The following COL27A1 variants were observed in gnomAD, a reference collection of about 807,000 sequenced individuals.
COL27A1 encodes the protein collagen alpha-1(XXVII) chain.
A neutral mutation model predicts 251.3 loss-of-function variants in COL27A1; 106 were observed. That is an observed-to-expected ratio of 0.42 (90% confidence interval 0.36 to 0.50). The LOEUF (loss-of-function observed/expected upper bound fraction) is 0.50. Ranked by LOEUF, COL27A1 falls within the 20% of genes least tolerant of loss-of-function variation. The probability of loss-of-function intolerance (pLI) is 0.00; values close to 1 mark genes in which losing one functional copy is unlikely to be tolerated. For synonymous variants in COL27A1, 1,000 were observed against 986.3 expected (o/e 1.01, Z -0.26); for missense variants, 2,325 against 2,522.8 (o/e 0.92, Z 1.68).
At chr9:114,218,866 C>T (rs558795609) in intron 12 of COL27A1, among the ~76,000 whole-genome samples, 1 of 152,004 alleles carries the variant, frequency 6.6e-6, no homozygotes, top group African/African-American at 2.4e-5. Flanking sequence ...TATTAGAAAC[C>T]GAAAACAGGA....
intron 5 of COL27A1, among the ~76,000 whole-genome samples, chr9:114,194,030 C>T (rs2567708): frequency 0.7 from 106,007 of 152,028 alleles, 38,108 homozygotes; most frequent in Non-Finnish European, 0.77. Flanking sequence ...ACAGCCTGGT[C>T]GCAGGACAGT....
chr9:114,300,237 G>A, intron 50 of COL27A1, 114 bp downstream of exon 50: 1 of 1,119,076 alleles, frequency 8.9e-7, no homozygotes, highest in Non-Finnish European at 1.3e-6. Context: ...CTGGAAAACA[G>A]CCAGAATCAG....
chr9:114,304,922 C>T (rs924357475), intron 57 of COL27A1, among the ~76,000 whole-genome samples: 5 of 152,184 alleles, frequency 3.3e-5, no homozygotes, highest in South Asian at 2.1e-4. Flanking sequence ...GAGCTTTCTC[C>T]GGAGGCCTCT....
rs757744516 is a variant in COL27A1 at position 114,169,177 on chromosome 9, C to G, written c.1622C>G (p.Ala541Gly). 1.2e-6 allele frequency: 2 copies of G among 1,614,106 alleles called. No individual in the cohort carries two copies. The highest frequency in any genetic ancestry group is 2.2e-5 in the South Asian group (2 of 91,074). ...TGSKKPIGSE[A>G]SKKAGPKSSP... is the part of the protein sequence containing the mutation. ...AGCAAGAAGCCCATTGGATCGGAAG[C>G]CTCAAAGAAAGCCGGACCCAAGAGC... The change falls in exon 3 of 61, where the codon GCC becomes GGC. Residue 541 changes from alanine to glycine, a missense_variant. By Grantham distance (60) the Ala-to-Gly change is moderately conservative (BLOSUM62 0). Coordinates refer to ENST00000356083, the MANE Select transcript of COL27A1 (RefSeq NM_032888.4).
At chr9:114,293,903 C>A (rs1828084423) in intron 49 of COL27A1, among the ~76,000 whole-genome samples, 1 of 151,992 alleles carries the variant, frequency 6.6e-6, no homozygotes, top group African/African-American at 2.4e-5. Context: ...AAACTCTGGG[C>A]CCAGATGGCT....
intron 3 of COL27A1, among the ~76,000 whole-genome samples, chr9:114,173,112 G>A (rs1158650355): frequency 6.6e-6 from 1 of 151,912 alleles, no homozygotes. Flanking sequence ...GCCCCAGGAG[G>A]GGGGAACATG....
chr9:114,243,697 T>C (rs1260305458), intron 23 of COL27A1, 137 bp downstream of exon 23: 2 of 658,474 alleles, frequency 3.0e-6, no homozygotes, highest in Non-Finnish European at 5.3e-6. Context: ...AACAAAGTAT[T>C]GGTAAGGGAG....
In COL27A1 at chr9:114,239,381, G is replaced by A. The variant is rs151051211; in HGVS notation, c.2728-839G>A. Among the ~76,000 whole-genome samples, 37 of 152,276 alleles carry A rather than the reference G, an allele frequency of 2.4e-4. No individual in the cohort carries two copies. In the East Asian group the frequency reaches 6.9e-3, roughly 29 times the overall value. On this transcript the variant is annotated intron_variant, in intron 19 of 60. Coordinates refer to ENST00000356083, the MANE Select transcript of COL27A1 (RefSeq NM_032888.4). Reference sequence around the variant, plus strand: ...CTTTGCTGGTTCCATTTAAACTTAAGACTAGCCCTGTAAGGGAGGTGTTAC... The same window carrying A: ...CTTTGCTGGTTCCATTTAAACTTAAAACTAGCCCTGTAAGGGAGGTGTTAC...
At position 114,182,386 on chromosome 9, in the gene COL27A1, AG is replaced by A. The variant is rs199874518; in HGVS notation, c.1963-635del. Among the ~76,000 whole-genome samples, 3 of 151,440 alleles carry A rather than the reference AG, an allele frequency of 2.0e-5. No individual in the cohort carries two copies. The East Asian group carries it at 5.9e-4, about 30-fold the overall frequency. ...GCAAGACCCTGCCTCTAAAAAAAAA[AG>A]TCCACTTGAGACTGGAGGAGCCCTA... On this transcript the variant is annotated intron_variant, in intron 4 of 60. Coordinates refer to ENST00000356083, the MANE Select transcript of COL27A1 (RefSeq NM_032888.4).
chr9:114,166,368 A>AATCCATCCATCCGTCC (rs1554786335), intron 2 of COL27A1, among the ~76,000 whole-genome samples: 1,344 of 37,128 alleles, frequency 0.036, 37 homozygotes, highest in African/African-American at 0.068. Flanking sequence ...TCCATCCATC[A>AATCCATCCATCCGTCC]ATCCATCCAT....
In COL27A1 at chr9:114,312,182, G is replaced by C. The variant is rs2306957; in HGVS notation, c.*1487G>C. 3.9e-5 allele frequency: 6 copies of C among 152,182 alleles called. No homozygotes were observed. Among genetic ancestry groups the C allele is most frequent in the Admixed American group, 3.9e-4 (6 of 15,274 alleles). The allele number at this position is 152,182 out of a possible 1,614,324, so 9.4% of individuals were successfully genotyped here. On this transcript the variant is annotated 3_prime_UTR_variant, in exon 61 of 61. Coordinates refer to ENST00000356083, the MANE Select transcript of COL27A1 (RefSeq NM_032888.4). ...TCTATTTGTGTATTTCTCTCCTAAA[G>C]TTGTGTCTCTTTGGGAATTGGATTT... is the stretch of plus-strand genomic sequence containing the variant.
Position 114,221,262 on chromosome 9 carries a change from G to A in COL27A1, c.2422-961G>A, listed in dbSNP as rs111512767. On this transcript the variant is annotated intron_variant, in intron 13 of 60. Transcript: ENST00000356083. ...ATTGGGATGAGGAGATAGGTGGGGA[G>A]ACATTGCAGGTGGAGGAAGGGGCAC... 9.9e-3 allele frequency among the ~76,000 whole-genome samples: 1,503 copies of A among 152,258 alleles called. 24 individuals are homozygous for A. The highest frequency in any genetic ancestry group is 0.035 in the African/African-American group (1,447 of 41,546).
intron 1 of COL27A1, among the ~76,000 whole-genome samples, chr9:114,161,708 G>A (rs1042744426): frequency 6.6e-6 from 1 of 152,194 alleles, no homozygotes; most frequent in Non-Finnish European, 1.5e-5. Flanking sequence ...GCCACGTGCC[G>A]GCCTCCCCTC....
In COL27A1 at chr9:114,267,568, A is replaced by T; in HGVS notation, c.3501+11A>T. ...GAAGCCGGGATGAAGGTGAGGTGGG[A>T]TGAAAGAAGAGAAAAATGACTTGTT... On this transcript the variant is annotated intron_variant, in intron 34 of 60. Transcript: ENST00000356083. 1 of 1,595,094 alleles carries T rather than the reference A, an allele frequency of 6.3e-7. No homozygotes were observed. Among genetic ancestry groups the T allele is most frequent in the Non-Finnish European group, 8.5e-7 (1 of 1,172,372 alleles).
At chr9:114,268,550 C>A (rs1250601474) in intron 34 of COL27A1, among the ~76,000 whole-genome samples, 2 of 152,192 alleles carry the variant, frequency 1.3e-5, no homozygotes, top group Admixed American at 1.3e-4. Context: ...ATTGCCATTG[C>A]TGCATCCAAG....
intron 3 of COL27A1, among the ~76,000 whole-genome samples, chr9:114,176,308 G>A (rs925470951): frequency 5.3e-5 from 8 of 152,218 alleles, no homozygotes; most frequent in African/African-American, 1.9e-4. Context: ...AGAAACAGAT[G>A]TGAAGGAGGA....
chr9:114,219,859 T>A lies in COL27A1; in HGVS notation c.2421+15T>A. 3 of 1,596,604 alleles carry A rather than the reference T, an allele frequency of 1.9e-6. No homozygotes were observed. Among genetic ancestry groups the A allele is most frequent in the Non-Finnish European group, 2.6e-6 (3 of 1,164,222 alleles). ...ATGGAAATCCTGTGAGTATTTCAAG[T>A]CTTTGGGAACAGGAGCGAGATTCTG... On this transcript the variant is annotated intron_variant, in intron 13 of 60. Transcript: ENST00000356083.
chr9:114,239,501 G>A (rs1425034027), intron 19 of COL27A1, among the ~76,000 whole-genome samples: 3 of 152,236 alleles, frequency 2.0e-5, no homozygotes, highest in Non-Finnish European at 4.4e-5. Flanking sequence ...TGGGAACTGC[G>A]TAACAGGTCT....
chr9:114,275,720 G>A lies in COL27A1; in HGVS notation c.3669G>A (p.Leu1223=), dbSNP rs745526511. ...ATGGCGAGAAAGGCCAGGAAGGGCT[G>A]ATGGGTGAGGACGGGCCCCCCGGCC... ...GEHGEKGQEG[L]MGEDGPPGPP... The change falls in exon 37 of 61, where the codon CTG becomes CTA. Residue 1223 remains leucine (L), a synonymous_variant. Coordinates refer to ENST00000356083, the MANE Select transcript of COL27A1 (RefSeq NM_032888.4). The A allele has an allele frequency of 1.4e-5, 22 of 1,550,044 alleles. No individual in the cohort carries two copies. Among genetic ancestry groups the A allele is most frequent in the Non-Finnish European group, 1.8e-5 (21 of 1,146,854 alleles).
Sources: allele counts gnomAD v4.1 joint callset (sites outside exome capture counted in the v4.1 genomes callset), GRCh38; gene constraint gnomAD v4.1.1; transcripts MANE v1.5; gene names NCBI Gene and HGNC (gene_info 2026-07-23, HGNC 2026-07-21).